MTMR9: variants seen among roughly 807,000 people sequenced by gnomAD.
MTMR9 encodes the protein myotubularin-related protein 9.
MTMR9 carries 39 observed loss-of-function variants against 69.5 expected under a neutral mutation model. The observed-to-expected ratio is 0.56, with a 90% CI of 0.43 to 0.73. MTMR9 has a LOEUF of 0.73. Among genes scored for constraint, MTMR9 ranks in the 30% least tolerant of loss-of-function variants. The pLI, the probability that MTMR9 is intolerant of heterozygous loss-of-function variation, is 0.00. For missense variants in MTMR9, 900 were observed against 671.2 expected (o/e 1.34, Z -3.77); for synonymous variants, 354 against 240.8 (o/e 1.47, Z -4.35).
At chr8:11,311,925 C>T (rs1047115613) in intron 6 of MTMR9, among the ~76,000 whole-genome samples, 43 of 149,204 alleles carry the variant, frequency 2.9e-4, no homozygotes, top group Admixed American at 4.7e-4. Context: ...ACAGCATCTT[C>T]ACCAGGAGTA....
At chr8:11,334,524 G>A in the MTMR9 span, among the ~76,000 whole-genome samples, 1 of 151,852 alleles carries the variant, frequency 6.6e-6, no homozygotes, top group Non-Finnish European at 1.5e-5. Flanking sequence ...AACACAAGAA[G>A]AAATGAGAAG....
chr8:11,285,359 A>AT (rs2117335302), intron 1 of MTMR9: 1 of 318,202 alleles, frequency 3.1e-6, no homozygotes, highest in East Asian at 5.5e-5. Context: ...TTGTCTTTAT[A>AT]AATTTCTTCT....
chr8:11,287,792 A>G (rs1014475650), intron 1 of MTMR9, among the ~76,000 whole-genome samples: 8 of 22,324 alleles, frequency 3.6e-4, no homozygotes, highest in African/African-American at 1.6e-3. Flanking sequence ...TATATTATAT[A>G]TAATACATAT....
rs976881989 is a variant in MTMR9, at chr8:11,326,931, C to G, written c.*4143C>G. ...CTTGCAGTGAGCCGAGATCGCACCA[C>G]TGCACTCCAGCCTGGGCGAAAGGGC... On this transcript the variant is annotated 3_prime_UTR_variant, in exon 10 of 10. Coordinates refer to ENST00000221086, the MANE Select transcript of MTMR9 (RefSeq NM_015458.4). 1.4e-5 allele frequency: 2 copies of G among 147,876 alleles called. No homozygotes were observed. The highest frequency in any genetic ancestry group is 3.0e-5 in the Non-Finnish European group (2 of 67,610). The allele number at this position is 147,876 out of a possible 1,614,324, so 9.2% of individuals were successfully genotyped here. A position where few individuals can be genotyped will look rare whatever the true frequency, so the allele number is the denominator to read the frequency against.
downstream of MTMR9, chr8:11,332,001 T>C (rs745802136): frequency 1.9e-6 from 3 of 1,611,866 alleles, no homozygotes; most frequent in East Asian, 4.5e-5. Flanking sequence ...ACTGCAGTAT[T>C]ATATGCTCCA....
Position 11,316,701 on chromosome 8 carries a change from C to T in MTMR9, c.1142C>T (p.Ala381Val), listed in dbSNP as rs766410348. The change falls in exon 8 of 10, where the codon GCA (alanine) becomes GTA (valine). Residue 381 changes from alanine (A) to valine (V), a missense_variant. Ala to Val is a moderately conservative substitution (Grantham distance 64). Coordinates refer to ENST00000221086, the MANE Select transcript of MTMR9 (RefSeq NM_015458.4). ...QAGHPFQQRC[A>V]QSAYCNTKQK... ...GGTCACCCATTCCAGCAGCGCTGTGCACAGTCAGCCTACTGTAACACCAAG... is the reference window on the plus strand; with the variant it reads ...GGTCACCCATTCCAGCAGCGCTGTGTACAGTCAGCCTACTGTAACACCAAG... 1.2e-6 allele frequency: 2 copies of T among 1,611,694 alleles called. No homozygotes were observed. The highest frequency in any genetic ancestry group is 1.7e-5 in the Admixed American group (1 of 59,766).
At chr8:11,309,760 T>G in intron 6 of MTMR9, 72 bp downstream of exon 6, 2 of 1,512,142 alleles carry the variant, frequency 1.3e-6, no homozygotes, top group Admixed American at 3.9e-5. Context: ...TCCAGACATA[T>G]GTTTATAGAT....
chr8:11,313,495 G>A (rs896084372), intron 6 of MTMR9, among the ~76,000 whole-genome samples: 1 of 152,206 alleles, frequency 6.6e-6, no homozygotes, highest in Non-Finnish European at 1.5e-5. Context: ...GCCTGACTCA[G>A]CTTTCGACGT....
intron 1 of MTMR9, among the ~76,000 whole-genome samples, chr8:11,288,107 T>C (rs1799247344): frequency 7.6e-6 from 1 of 132,202 alleles, no homozygotes; most frequent in Admixed American, 8.7e-5. Flanking sequence ...ATTCACCTAA[T>C]TATATTAAAT....
chr8:11,332,254 T>C (rs1801267226), downstream of MTMR9: 2 of 1,369,846 alleles, frequency 1.5e-6, no homozygotes, highest in East Asian at 2.5e-5. Flanking sequence ...CTAACTTCCA[T>C]AGCACATTAT....
chr8:11,309,133 C>G lies in MTMR9; in HGVS notation c.810-394C>G, dbSNP rs371426783. 2.2e-4 allele frequency among the ~76,000 whole-genome samples: 33 copies of G among 152,226 alleles called. No homozygotes were observed. In the East Asian group the frequency reaches 6.0e-3, roughly 28 times the overall value. ...GCTGTAGCTAGAAAACAGTGGGATC[C>G]AAGCTGGGTTGGGTAAGGCTGCTGA... On this transcript the variant is annotated intron_variant, in intron 5 of 9. Transcript: ENST00000221086.
intron 2 of MTMR9, among the ~76,000 whole-genome samples, chr8:11,296,038 A>T (rs1381214599): frequency 6.6e-6 from 1 of 152,118 alleles, no homozygotes; most frequent in African/African-American, 2.4e-5. Flanking sequence ...TGTAATAAAT[A>T]CAGTTCTAAA....
chr8:11,298,196 T>C (rs1799623484), intron 2 of MTMR9, among the ~76,000 whole-genome samples: 1 of 152,124 alleles, frequency 6.6e-6, no homozygotes, highest in Admixed American at 6.5e-5. Context: ...AAGACCTCTT[T>C]CTAGTGACAT....
intron 9 of MTMR9, chr8:11,320,908 TTG>T (rs1477983915): frequency 6.5e-6 from 1 of 152,952 alleles, no homozygotes; most frequent in Non-Finnish European, 1.5e-5. Context: ...TGGTAGCTGT[TTG>T]TTAAATTAAA....
At chr8:11,329,547 C>T (rs1235944417), downstream of MTMR9, among the ~76,000 whole-genome samples, 4 of 152,368 alleles carry the variant, frequency 2.6e-5, no homozygotes, top group East Asian at 1.9e-4. Flanking sequence ...AGCTCCTAAC[C>T]GCGAGTGATC....
intron 6 of MTMR9, 128 bp from the exon 7 acceptor site, chr8:11,314,795 C>T (rs1392441938): frequency 1.3e-6 from 1 of 777,874 alleles, no homozygotes; most frequent in Non-Finnish European, 2.1e-6. Flanking sequence ...GAATGTTGTA[C>T]TCAATACACT....
At chr8:11,299,036 A>T (rs1161106292) in intron 2 of MTMR9, among the ~76,000 whole-genome samples, 1 of 152,198 alleles carries the variant, frequency 6.6e-6, no homozygotes, top group Non-Finnish European at 1.5e-5. Context: ...AGCATGTCAT[A>T]GCTGAAATTG....
In MTMR9 at chr8:11,285,141, C is replaced by G. The variant is rs1279099697; in HGVS notation, c.182+71C>G. ...TTGTGGGCGCCCCGGGAAATACTTCCTGGCGTTTTCCGCGCAGCCTGCCGC... is the reference window on the plus strand; with the variant it reads ...TTGTGGGCGCCCCGGGAAATACTTCGTGGCGTTTTCCGCGCAGCCTGCCGC... On this transcript the variant is annotated intron_variant, in intron 1 of 9. Transcript: ENST00000221086. The G allele has an allele frequency of 3.5e-6, 5 of 1,413,992 alleles. No homozygotes were observed. The East Asian group carries it at 1.3e-4, about 36-fold the overall frequency. 87.6% of individuals were successfully genotyped at this position (1,413,992 alleles called of 1,614,324 possible).
intron 1 of MTMR9, among the ~76,000 whole-genome samples, chr8:11,289,078 A>T (rs1207040686): frequency 6.6e-6 from 1 of 152,142 alleles, no homozygotes; most frequent in Non-Finnish European, 1.5e-5. Flanking sequence ...AGGCTGAGGC[A>T]GGAGAATCAC....
Sources: gnomAD v4.1 joint callset for allele counts (sites outside exome capture counted in the v4.1 genomes callset) on GRCh38, gnomAD v4.1.1 for gene constraint, MANE v1.5 for transcripts, NCBI Gene and HGNC (gene_info 2026-07-23, HGNC 2026-07-21) for gene names.